Variants in MYH15 observed in about 807,000 individuals in gnomAD.
MYH15 encodes the protein myosin-15.
MYH15 carries 227 observed loss-of-function variants against 240.5 expected under a neutral mutation model. The ratio of observed to expected loss-of-function variants is 0.94; its 90% CI spans 0.85 to 1.05. The LOEUF is 1.05. MYH15 is among the 50% of genes least tolerant of loss of function. The probability of loss-of-function intolerance (pLI) is 0.00; values close to 1 mark genes in which losing one functional copy is unlikely to be tolerated. For missense variants in MYH15, 2,217 were observed against 2,247.5 expected (o/e 0.99, Z 0.27); for synonymous variants, 785 against 796.7 (o/e 0.99, Z 0.25).
At chr3:108,391,620 C>T (rs184153836) in intron 37 of MYH15, 140 bp downstream of exon 37, 5 of 883,388 alleles carry the variant, frequency 5.7e-6, no homozygotes, top group Admixed American at 4.9e-5. Flanking sequence ...TGAGATCTGA[C>T]ACTCTTAAAT....
chr3:108,496,556 A>T (rs1283009399), intron 6 of MYH15, among the ~76,000 whole-genome samples: 1 of 152,152 alleles, frequency 6.6e-6, no homozygotes, highest in East Asian at 1.9e-4. Flanking sequence ...ATCCCTTCTT[A>T]TATCCCTACT....
intron 1 of MYH15, among the ~76,000 whole-genome samples, chr3:108,516,026 A>C (rs1470744324): frequency 6.6e-6 from 1 of 152,188 alleles, no homozygotes; most frequent in Non-Finnish European, 1.5e-5. Flanking sequence ...CTAGACAATA[A>C]ATATGGGGAT....
At chr3:108,401,411 C>T (rs982328958) in intron 33 of MYH15, among the ~76,000 whole-genome samples, 2 of 152,142 alleles carry the variant, frequency 1.3e-5, no homozygotes, top group South Asian at 2.1e-4. Context: ...TCAGGAGAAA[C>T]CAAACCTGCC....
chr3:108,501,551 T>C (rs1021053100), intron 3 of MYH15, among the ~76,000 whole-genome samples, 161 bp downstream of exon 3: 1 of 152,102 alleles, frequency 6.6e-6, no homozygotes, highest in African/African-American at 2.4e-5. Flanking sequence ...CAAAATAAAA[T>C]TGGGGAAATG....
chr3:108,519,939 A>C (rs1466664226), intron 1 of MYH15, among the ~76,000 whole-genome samples: 1 of 152,238 alleles, frequency 6.6e-6, no homozygotes, highest in Non-Finnish European at 1.5e-5. Flanking sequence ...AACTAAGTAC[A>C]ATTGTAGTCA....
intron 4 of MYH15, among the ~76,000 whole-genome samples, chr3:108,499,783 A>G (rs3100639): frequency 0.023 from 3,465 of 152,296 alleles, 137 homozygotes; most frequent in African/African-American, 0.079. Context: ...TCGTTGTGTA[A>G]TAATATCTAT....
At chr3:108,547,764 T>A in the MYH15 span, among the ~76,000 whole-genome samples, 1 of 152,178 alleles carries the variant, frequency 6.6e-6, no homozygotes, top group Non-Finnish European at 1.5e-5. Flanking sequence ...CTTTAAAAAG[T>A]AGGAAAATAT....
Position 108,464,734 on chromosome 3 carries a change from A to C in MYH15, c.1635T>G (p.Phe545Leu). ...ATDLTFKTKL[F>L]DNHFGKSVHL... ...GAACCGACTTTCCAAAATGGTTGTC[A>C]AAGAGTTTGGTCTTGAAAGTCAGGT... Residue 545 changes from phenylalanine to leucine, a missense_variant, in exon 15 of 41, where the codon TTT becomes TTG. Coordinates refer to ENST00000693548, the MANE Select transcript of MYH15 (RefSeq NM_014981.3). 1 of 1,613,932 alleles carries C rather than the reference A, an allele frequency of 6.2e-7. No individual in the cohort carries two copies. Among genetic ancestry groups the C allele is most frequent in the Non-Finnish European group, 8.5e-7 (1 of 1,179,862 alleles).
In MYH15 at chr3:108,464,812, T is replaced by C. The variant is rs1238223128; in HGVS notation, c.1557A>G (p.Pro519=). 6.2e-7 allele frequency: 1 copy of C among 1,605,452 alleles called. No individual in the cohort carries two copies. The highest frequency in any genetic ancestry group is 1.7e-4 in the Middle Eastern group (1 of 6,020). The change falls in exon 15 of 41, where the codon CCA becomes CCG. Residue 519 remains proline, a splice_region_variant and synonymous_variant. Transcript: ENST00000693548. ...CTTCAAGGATGGAAAGGATGCCCAT[T>C]GGCTGTTGAAGAGACATAAGAGCAG... ...LQACIDLIEK[P]MGILSILEEE...
chr3:108,456,141 G>A (rs2083017752), intron 19 of MYH15, among the ~76,000 whole-genome samples: 1 of 152,154 alleles, frequency 6.6e-6, no homozygotes, highest in Non-Finnish European at 1.5e-5. Flanking sequence ...AGGGAGGGAG[G>A]AAAGCATAAG....
chr3:108,511,081 G>A (rs2083519391), upstream of MYH15, among the ~76,000 whole-genome samples: 1 of 152,028 alleles, frequency 6.6e-6, no homozygotes, highest in Non-Finnish European at 1.5e-5. Flanking sequence ...ATTCCAGATG[G>A]AGAAACATCA....
In MYH15 at chr3:108,464,496, C is replaced by T. The variant is rs1364298800; in HGVS notation, c.1731+142G>A. 4 of 880,448 alleles carry T rather than the reference C, an allele frequency of 4.5e-6. No individual in the cohort carries two copies. In the East Asian group the frequency reaches 7.9e-5, roughly 17 times the overall value. 54.5% of individuals were successfully genotyped at this position (880,448 alleles called of 1,614,324 possible). Reference sequence around the variant, plus strand: ...TCCTGAGTGCTAAAAGGCTACACTACCTTTTTTGTGGAACTGAGATGTATT... The same window carrying T: ...TCCTGAGTGCTAAAAGGCTACACTATCTTTTTTGTGGAACTGAGATGTATT... On this transcript the variant is annotated intron_variant, in intron 15 of 40. Coordinates refer to ENST00000693548, the MANE Select transcript of MYH15 (RefSeq NM_014981.3).
At chr3:108,486,957 G>C (rs1316478845) in intron 9 of MYH15, among the ~76,000 whole-genome samples, 1 of 152,198 alleles carries the variant, frequency 6.6e-6, no homozygotes. Flanking sequence ...CAAAAGCTAC[G>C]AAGCAGCCAG....
At chr3:108,423,415 A>G (rs1576224546) in intron 27 of MYH15, among the ~76,000 whole-genome samples, 1 of 152,344 alleles carries the variant, frequency 6.6e-6, no homozygotes, top group East Asian at 1.9e-4. Flanking sequence ...CAGAGATTCA[A>G]TGGCCAGTTT....
Position 108,437,611 on chromosome 3 carries a change from C to A in MYH15, c.3164G>T (p.Arg1055Leu), listed in dbSNP as rs760178988. The change falls in exon 25 of 41, where the codon CGG becomes CTG. Residue 1055 changes from arginine to leucine, a missense_variant. By Grantham distance (102) the Arg-to-Leu change is moderately radical. Transcript: ENST00000693548. Reference sequence around the variant, plus strand: ...GCTTTCCAGGTTCTCCATACTTTCCCGATTCAGCTTTAAATTGCCCTCCAG... The same window carrying A: ...GCTTTCCAGGTTCTCCATACTTTCCAGATTCAGCTTTAAATTGCCCTCCAG... Reference protein sequence around the residue: ...HKLEGNLKLNRESMENLESSQ... With the variant: ...HKLEGNLKLNLESMENLESSQ... The A allele has an allele frequency of 6.2e-7, 1 of 1,614,048 alleles. No individual in the cohort carries two copies.
At position 108,430,860 on chromosome 3, in the gene MYH15, T is replaced by G; in HGVS notation, c.3284A>C (p.Gln1095Pro). 3 of 1,611,962 alleles carry G rather than the reference T, an allele frequency of 1.9e-6. No homozygotes were observed. The highest frequency in any genetic ancestry group is 1.1e-5 in the South Asian group (1 of 91,070). ...KVENEKGLVA[Q>P]LQKTVKELQT... ...AAGCTCTTTAACCGTCTTCTGAAGC[T>G]GAGCTACCAGGCCTTTCTCATTCTC... Residue 1095 changes from glutamine (Q) to proline (P), a missense_variant, in exon 26 of 41, where the codon CAG becomes CCG. By Grantham distance (76) the Gln-to-Pro change is moderately conservative. Transcript: ENST00000693548.
chr3:108,495,857 G>C lies in MYH15; in HGVS notation c.634C>G (p.Gln212Glu). ...AAGATAGTATTCGCTTGCATGATTT[G>C]ATCTTCTAACGCCCCCTGAGACACA... ...SRKKQGALED[Q>E]IMQANTILEA... Residue 212 changes from glutamine (Q) to glutamate (E), a missense_variant, in exon 7 of 41, where the codon CAA becomes GAA. Gln to Glu is a conservative substitution (Grantham distance 29, BLOSUM62 2). Transcript: ENST00000693548. 6.2e-7 allele frequency: 1 copy of C among 1,609,560 alleles called. No individual in the cohort carries two copies. The highest frequency in any genetic ancestry group is 8.5e-7 in the Non-Finnish European group (1 of 1,177,968).
intron 11 of MYH15, among the ~76,000 whole-genome samples, chr3:108,478,525 A>G (rs984610051): frequency 1.3e-5 from 2 of 152,188 alleles, no homozygotes; most frequent in African/African-American, 4.8e-5. Context: ...ATGTCAAATC[A>G]TAGACTTTTT....
At position 108,410,817 on chromosome 3, in the gene MYH15, G is replaced by A. The variant is rs746166400; in HGVS notation, c.4261C>T (p.Leu1421=). 4 of 1,613,956 alleles carry A rather than the reference G, an allele frequency of 2.5e-6. No individual in the cohort carries two copies. In the East Asian group the frequency reaches 6.7e-5, roughly 27 times the overall value. Residue 1421 remains leucine, a synonymous_variant, in exon 31 of 41, where the codon CTG becomes TTG. Transcript: ENST00000693548. Reference sequence around the variant, plus strand: ...GAGCGGACCTTCCCGAGGTCAGACAGGGCGTCCCCGAGCTCCAGCTGCAGC... The same window carrying A: ...GAGCGGACCTTCCCGAGGTCAGACAAGGCGTCCCCGAGCTCCAGCTGCAGC... ...HQLQLELGDA[L]SDLGKVRSAA...
Sources: gnomAD v4.1 joint callset for allele counts (sites outside exome capture counted in the v4.1 genomes callset) on GRCh38, gnomAD v4.1.1 for gene constraint, MANE v1.5 for transcripts, NCBI Gene and HGNC (gene_info 2026-07-23, HGNC 2026-07-21) for gene names.